Variants in CBFB observed in about 807,000 individuals in gnomAD.
The protein encoded by CBFB is CBF-beta.
A neutral mutation model predicts 30.4 loss-of-function variants in CBFB; 9 were observed. That is an observed-to-expected ratio of 0.30 (90% CI 0.18 to 0.52). The LOEUF is 0.52. CBFB is among the 20% of genes least tolerant of loss of function. CBFB has a pLI of 0.97. For missense variants in CBFB, 170 were observed against 244.0 expected (o/e 0.70, Z 2.02); for synonymous variants, 94 against 84.0 (o/e 1.12, Z -0.65).
At position 67,100,992 on chromosome 16, in the gene CBFB, A is replaced by G. The variant is rs1459183940; in HGVS notation, c.*2214A>G. The G allele has an allele frequency of 1.1e-5, 2 of 185,946 alleles. No individual in the cohort carries two copies. The highest frequency in any genetic ancestry group is 1.7e-4 in the East Asian group (2 of 11,514). 11.5% of individuals were successfully genotyped at this position (185,946 alleles called of 1,614,324 possible). ...CTTAAGCTACCAGATTGCTTTTGCC[A>G]CCATTGGCCATACTGTGTGTTTGTT... On this transcript the variant is annotated 3_prime_UTR_variant, in exon 6 of 6. Transcript: ENST00000412916.
intron 5 of CBFB, 55 bp downstream of exon 5, chr16:67,082,363 C>A (rs1474279083): frequency 1.3e-6 from 2 of 1,597,778 alleles, no homozygotes. Flanking sequence ...CCCAAACTCT[C>A]AGGCTGTGTT....
At chr16:67,055,458 C>T (rs142378607) in intron 3 of CBFB, among the ~76,000 whole-genome samples, 7,165 of 149,440 alleles carry the variant, frequency 0.048, 494 homozygotes, top group African/African-American at 0.16. Flanking sequence ...CTCCGCCTCC[C>T]GGGTTCACGC....
chr16:67,080,641 A>T (rs1411449172), intron 4 of CBFB, among the ~76,000 whole-genome samples: 2 of 152,236 alleles, frequency 1.3e-5, no homozygotes, highest in Admixed American at 1.3e-4. Context: ...ATATGTTAAT[A>T]AATATATTTT....
At chr16:67,064,754 A>T (rs1217059858) in intron 3 of CBFB, among the ~76,000 whole-genome samples, 1 of 152,220 alleles carries the variant, frequency 6.6e-6, no homozygotes, top group Non-Finnish European at 1.5e-5. Flanking sequence ...ATGTATACCT[A>T]AAGCAATTTT....
chr16:67,048,268 C>T (rs1966666997), intron 3 of CBFB, among the ~76,000 whole-genome samples: 1 of 151,834 alleles, frequency 6.6e-6, no homozygotes, highest in South Asian at 2.1e-4. Context: ...AAAAAAAACC[C>T]CTAAAACATT....
At chr16:67,067,602 C>G (rs142645924) in intron 4 of CBFB, among the ~76,000 whole-genome samples, 1 of 152,156 alleles carries the variant, frequency 6.6e-6, no homozygotes, top group Non-Finnish European at 1.5e-5. Context: ...CAGTCTGTGT[C>G]ATTTTAGTCA....
chr16:67,100,751 G>GT lies in CBFB; in HGVS notation c.*1974dup. ...TAAATGTTCCTGTTACCATCCTAAT[G>GT]TAAATACTGGATTTTTCTGTCATTT... is the stretch of plus-strand genomic sequence containing the variant. On this transcript the variant is annotated 3_prime_UTR_variant, in exon 6 of 6. Transcript: ENST00000412916. 4.6e-6 allele frequency: 1 copy of GT among 217,494 alleles called. No individual in the cohort carries two copies. The highest frequency in any genetic ancestry group is 9.3e-6 in the Non-Finnish European group (1 of 107,906). The allele number at this position is 217,494 out of a possible 1,614,324, so 13.5% of individuals were successfully genotyped here.
chr16:67,049,502 C>T (rs1279636183), intron 3 of CBFB, among the ~76,000 whole-genome samples: 1 of 151,960 alleles, frequency 6.6e-6, no homozygotes, highest in Non-Finnish European at 1.5e-5. Context: ...GCGCCCGGCC[C>T]CATTCTGTTT....
rs552456597 is a variant in CBFB, at chr16:67,053,599, C to G, written c.283-13083C>G. On this transcript the variant is annotated intron_variant, in intron 3 of 5. Transcript: ENST00000412916. ...TGCAGCTCCTAGAAGATGAGCTGAA[C>G]AGAATCTTAGGGTCAAGTCCGGATT... Among the ~76,000 whole-genome samples the G allele has an allele frequency of 4.7e-4, 72 of 152,072 alleles. No individual in the cohort carries two copies. In the Middle Eastern group the frequency reaches 0.02, roughly 43 times the overall value.
At chr16:67,037,101 G>T (rs1966453160) in intron 3 of CBFB, among the ~76,000 whole-genome samples, 2 of 152,056 alleles carry the variant, frequency 1.3e-5, no homozygotes, top group African/African-American at 2.4e-5. Context: ...GTTTCACCAT[G>T]TTGGCCAGGC....
chr16:67,092,913 G>T (rs971869928), intron 5 of CBFB, among the ~76,000 whole-genome samples: 1 of 151,598 alleles, frequency 6.6e-6, no homozygotes, highest in Non-Finnish European at 1.5e-5. Context: ...GGGTTTCACC[G>T]TGTTGGCCAG....
intron 4 of CBFB, among the ~76,000 whole-genome samples, chr16:67,074,283 A>G (rs927591261): frequency 2.0e-5 from 3 of 152,196 alleles, no homozygotes; most frequent in Non-Finnish European, 4.4e-5. Context: ...ATGCTGGGAC[A>G]ATAAAACATT....
rs1433890250 is a variant in CBFB at position 67,100,398 on chromosome 16, A to C, written c.*1620A>C. 4.5e-6 allele frequency: 1 copy of C among 222,964 alleles called. No homozygotes were observed. The highest frequency in any genetic ancestry group is 9.0e-6 in the Non-Finnish European group (1 of 111,446). 13.8% of individuals were successfully genotyped at this position (222,964 alleles called of 1,614,324 possible). A position where few individuals can be genotyped will look rare whatever the true frequency, so the allele number is the denominator to read the frequency against. On this transcript the variant is annotated 3_prime_UTR_variant, in exon 6 of 6. Coordinates refer to ENST00000412916, the MANE Select transcript of CBFB (RefSeq NM_022845.3). The stretch of plus-strand genomic sequence containing the variant: ...ATTTGTTATATATTTGAAGTTATGC[A>C]TGGAAAGGAGTGTGTTTAAATTGTT...
At chr16:67,072,529 C>T (rs1214072906) in intron 4 of CBFB, among the ~76,000 whole-genome samples, 1 of 151,744 alleles carries the variant, frequency 6.6e-6, no homozygotes, top group Admixed American at 6.6e-5. Context: ...TGCAATGGCA[C>T]AATCTGGGCT....
At chr16:67,064,484 C>T (rs935454763) in intron 3 of CBFB, among the ~76,000 whole-genome samples, 2 of 152,086 alleles carry the variant, frequency 1.3e-5, no homozygotes, top group Non-Finnish European at 2.9e-5. Context: ...GGATTACAAG[C>T]GTGAGCCACC....
intron 5 of CBFB, among the ~76,000 whole-genome samples, chr16:67,096,746 G>A (rs746827453): frequency 2.7e-5 from 4 of 150,188 alleles, no homozygotes; most frequent in Admixed American, 6.6e-5. Flanking sequence ...AGGCCAGGGC[G>A]GGTGAATCAC....
At chr16:67,080,147 A>G (rs1961515556) in intron 4 of CBFB, among the ~76,000 whole-genome samples, 1 of 152,330 alleles carries the variant, frequency 6.6e-6, no homozygotes, top group East Asian at 1.9e-4. Flanking sequence ...GGCAAAGGCC[A>G]AGCATCCTGG....
chr16:67,068,238 G>A (rs1398038850), intron 4 of CBFB, among the ~76,000 whole-genome samples: 4 of 152,136 alleles, frequency 2.6e-5, no homozygotes, highest in Admixed American at 6.6e-5. Context: ...CAGCATTTGG[G>A]GAGGCCAAGA....
At chr16:67,070,390 G>T (rs949691705) in intron 4 of CBFB, among the ~76,000 whole-genome samples, 2 of 152,054 alleles carry the variant, frequency 1.3e-5, no homozygotes, top group African/African-American at 2.4e-5. Flanking sequence ...TAAAAATAAA[G>T]AAAGAATCCA....
Sources: allele counts gnomAD v4.1 joint callset (sites outside exome capture counted in the v4.1 genomes callset), GRCh38; gene constraint gnomAD v4.1.1; transcripts MANE v1.5; gene names NCBI Gene and HGNC (gene_info 2026-07-23, HGNC 2026-07-21).